FTO: variants seen among roughly 807,000 people sequenced by gnomAD.
The protein encoded by FTO is alpha-ketoglutarate-dependent dioxygenase FTO.
Under a neutral mutation model 63.9 loss-of-function variants are expected in FTO, and 47 were observed. That is an observed-to-expected ratio of 0.74 (90% confidence interval 0.58 to 0.94). The LOEUF (loss-of-function observed/expected upper bound fraction) is 0.94. Ranked by LOEUF, FTO falls within the 40% of genes least tolerant of loss-of-function variation. FTO has a pLI of 0.00. For missense variants in FTO, 562 were observed against 618.1 expected (o/e 0.91, Z 0.96); for synonymous variants, 207 against 224.4 (o/e 0.92, Z 0.69).
At chr16:53,811,074 A>G (rs1016730188) in intron 2 of FTO, among the ~76,000 whole-genome samples, 5 of 152,120 alleles carry the variant, frequency 3.3e-5, no homozygotes, top group Non-Finnish European at 7.4e-5. Context: ...AGGAGAGTCA[A>G]ATGCTCCTGT....
intron 4 of FTO, among the ~76,000 whole-genome samples, chr16:53,855,767 T>G (rs1444280274): frequency 6.6e-6 from 1 of 152,172 alleles, no homozygotes; most frequent in Non-Finnish European, 1.5e-5. Flanking sequence ...ACATCTAGTC[T>G]AACTAACCAC....
At chr16:53,798,176 A>C (rs1286757702) in intron 1 of FTO, among the ~76,000 whole-genome samples, 1 of 152,160 alleles carries the variant, frequency 6.6e-6, no homozygotes, top group Non-Finnish European at 1.5e-5. Context: ...GTTTAGTATT[A>C]TATCAATACA....
chr16:53,966,092 T>C (rs953597065), intron 8 of FTO, among the ~76,000 whole-genome samples: 1 of 152,178 alleles, frequency 6.6e-6, no homozygotes, highest in African/African-American at 2.4e-5. Flanking sequence ...GATCTCGAAC[T>C]CCTGGCCTCA....
Position 54,116,185 on chromosome 16 carries a change from A to G in FTO, c.*4270A>G, listed in dbSNP as rs2086973612. The G allele has an allele frequency of 6.6e-6, 1 of 152,102 alleles. No individual in the cohort carries two copies. The highest frequency in any genetic ancestry group is 2.4e-5 in the African/African-American group (1 of 41,420). 9.4% of individuals were successfully genotyped at this position (152,102 alleles called of 1,614,324 possible). On this transcript the variant is annotated 3_prime_UTR_variant, in exon 9 of 9. Coordinates refer to ENST00000471389, the MANE Select transcript of FTO (RefSeq NM_001080432.3). ...CCACATTCAGTAGACGGTTTTTTGT[A>G]TGCTTCGAGGGAAGGAAGGTATTTT...
At chr16:53,847,016 G>C (rs1232233342) in intron 4 of FTO, among the ~76,000 whole-genome samples, 1 of 152,070 alleles carries the variant, frequency 6.6e-6, no homozygotes, top group Non-Finnish European at 1.5e-5. Flanking sequence ...GTCTTTTTCT[G>C]TATATGTATG....
intron 5 of FTO, 67 bp from the exon 6 acceptor site, chr16:53,879,777 C>T: frequency 6.3e-7 from 1 of 1,585,092 alleles, no homozygotes; most frequent in Non-Finnish European, 8.6e-7. Flanking sequence ...ATGAACAATC[C>T]TAGGAAGGAT....
intron 1 of FTO, among the ~76,000 whole-genome samples, chr16:53,806,555 T>C (rs1379081297): frequency 6.6e-6 from 1 of 152,220 alleles, no homozygotes; most frequent in Non-Finnish European, 1.5e-5. Context: ...GTCCTTGTTT[T>C]TGTTTACTGT....
chr16:53,709,833 C>T (rs1168187968), intron 1 of FTO, among the ~76,000 whole-genome samples: 1 of 152,038 alleles, frequency 6.6e-6, no homozygotes, highest in Non-Finnish European at 1.5e-5. Flanking sequence ...GTCCTCTTTA[C>T]CCCTAAATAG....
chr16:53,916,368 G>A (rs1286528697), intron 7 of FTO, among the ~76,000 whole-genome samples: 3 of 151,980 alleles, frequency 2.0e-5, no homozygotes, highest in Non-Finnish European at 4.4e-5. Flanking sequence ...ATCCACAATC[G>A]TTTCTTTTAT....
intron 4 of FTO, among the ~76,000 whole-genome samples, chr16:53,873,445 TATG>T (rs1162466035): frequency 6.7e-6 from 1 of 149,946 alleles, no homozygotes; most frequent in African/African-American, 2.4e-5. Flanking sequence ...GTTATATACA[TATG>T]ATTATATATA....
At chr16:53,983,605 A>C (rs796450448) in intron 8 of FTO, among the ~76,000 whole-genome samples, 2 of 150,704 alleles carry the variant, frequency 1.3e-5, no homozygotes, top group Non-Finnish European at 3.0e-5. Flanking sequence ...CGAATTCACA[A>C]ACACACACAC....
At chr16:53,982,951 A>G (rs1599141138) in intron 8 of FTO, among the ~76,000 whole-genome samples, 1 of 152,168 alleles carries the variant, frequency 6.6e-6, no homozygotes, top group South Asian at 2.1e-4. Flanking sequence ...GATGCTTCAA[A>G]ACAGGGTCAG....
intron 8 of FTO, among the ~76,000 whole-genome samples, chr16:54,075,505 G>A (rs544747603): frequency 1.2e-4 from 18 of 152,240 alleles, no homozygotes; most frequent in African/African-American, 3.4e-4. Context: ...TCTAAATAAC[G>A]TTCTCTGAAT....
chr16:53,836,993 G>A (rs1039043404), intron 3 of FTO, among the ~76,000 whole-genome samples: 1 of 152,150 alleles, frequency 6.6e-6, no homozygotes, highest in Non-Finnish European at 1.5e-5. Flanking sequence ...CAACGTAAGG[G>A]TTTCCTGTGA....
At chr16:54,000,686 G>A (rs2084044802) in intron 8 of FTO, among the ~76,000 whole-genome samples, 1 of 152,034 alleles carries the variant, frequency 6.6e-6, no homozygotes, top group Admixed American at 6.5e-5. Context: ...CCAACCCTGT[G>A]GTTTTATTTG....
intron 1 of FTO, among the ~76,000 whole-genome samples, chr16:53,718,356 A>AT (rs1272611382): frequency 6.6e-6 from 1 of 152,154 alleles, no homozygotes; most frequent in East Asian, 1.9e-4. Flanking sequence ...TGTGTTTGCT[A>AT]TTTTTGTATT....
chr16:53,869,284 G>T (rs575155640), intron 4 of FTO, among the ~76,000 whole-genome samples: 12 of 151,492 alleles, frequency 7.9e-5, no homozygotes, highest in African/African-American at 2.9e-4. Flanking sequence ...TTTTTGCTCC[G>T]TTATAGATAA....
intron 8 of FTO, among the ~76,000 whole-genome samples, chr16:54,051,292 C>T (rs1345539620): frequency 1.3e-5 from 2 of 152,114 alleles, no homozygotes; most frequent in African/African-American, 4.8e-5. Context: ...GTAAACAGGC[C>T]GATCCTCCAC....
intron 7 of FTO, among the ~76,000 whole-genome samples, chr16:53,925,748 C>T (rs2082122984): frequency 6.6e-6 from 1 of 152,130 alleles, no homozygotes; most frequent in Non-Finnish European, 1.5e-5. Context: ...GCAACAAATT[C>T]TGCTATGATA....
Sources: gnomAD v4.1 joint callset for allele counts (sites outside exome capture counted in the v4.1 genomes callset) on GRCh38, gnomAD v4.1.1 for gene constraint, MANE v1.5 for transcripts, NCBI Gene and HGNC (gene_info 2026-07-23, HGNC 2026-07-21) for gene names.